ARMC2: variants seen among roughly 807,000 people sequenced by gnomAD.
ARMC2 encodes armadillo repeat containing 2.
Under a neutral mutation model 90.3 loss-of-function variants are expected in ARMC2, and 67 were observed. The ratio of observed to expected loss-of-function variants is 0.74; its 90% CI spans 0.61 to 0.91. ARMC2 has a LOEUF of 0.91. ARMC2 is among the 40% of genes least tolerant of loss of function. The probability of loss-of-function intolerance (pLI) is 0.00; values close to 1 mark genes in which losing one functional copy is unlikely to be tolerated. For missense variants in ARMC2, 920 were observed against 1,030.9 expected, an observed-to-expected ratio of 0.89 and a Z score of 1.47; for synonymous variants, 393 against 393.0, an observed-to-expected ratio of 1.00 and a Z score of 0.00.
At chr6:108,974,865 G>A (rs745926198), downstream of ARMC2, among the ~76,000 whole-genome samples, 15 of 152,094 alleles carry the variant, frequency 9.9e-5, no homozygotes, top group Admixed American at 6.6e-4. Flanking sequence ...ACCTGAGGTC[G>A]TGAGTTCGAG....
chr6:108,879,961 C>G (rs1562344870), intron 5 of ARMC2: 6 of 470,294 alleles, frequency 1.3e-5, no homozygotes, highest in South Asian at 7.8e-5. Flanking sequence ...ATGACTAAGG[C>G]TTGAAAGCCT....
chr6:108,972,077 T>G (rs1352658087), intron 17 of ARMC2, among the ~76,000 whole-genome samples: 1 of 152,232 alleles, frequency 6.6e-6, no homozygotes, highest in Non-Finnish European at 1.5e-5. Flanking sequence ...TTCTGAAGTC[T>G]GTCACACAGA....
chr6:108,919,514 A>ATAAT, intron 10 of ARMC2, among the ~76,000 whole-genome samples: 1 of 146,368 alleles, frequency 6.8e-6, no homozygotes, highest in East Asian at 2.0e-4. Context: ...GTTCTTACAG[A>ATAAT]TAATTTTTTT....
chr6:109,002,879 G>A, the ARMC2 span, among the ~76,000 whole-genome samples: 2 of 152,152 alleles, frequency 1.3e-5, no homozygotes, highest in African/African-American at 4.8e-5. Context: ...TGTTTTCTCT[G>A]CAGTTAAATA....
At chr6:108,981,771 G>A in the ARMC2 span, among the ~76,000 whole-genome samples, 1 of 151,866 alleles carries the variant, frequency 6.6e-6, no homozygotes, top group Non-Finnish European at 1.5e-5. Context: ...GGGTTCAAGT[G>A]ATTCTCCTGC....
In ARMC2 at chr6:108,974,213, C is replaced by A. The variant is rs1173416382; in HGVS notation, c.*699C>A. ...AATGCAGGCTTAGGTGAATGGTATA[C>A]CTGAATCTGAATCCATGCTCTCCCC... On this transcript the variant is annotated 3_prime_UTR_variant, in exon 18 of 18. Coordinates refer to ENST00000392644, the MANE Select transcript of ARMC2 (RefSeq NM_032131.6). 6.6e-6 allele frequency: 1 copy of A among 152,160 alleles called. No homozygotes were observed. The highest frequency in any genetic ancestry group is 1.5e-5 in the Non-Finnish European group (1 of 68,036). 9.4% of individuals were successfully genotyped at this position (152,160 alleles called of 1,614,324 possible). A position where few individuals can be genotyped will look rare whatever the true frequency, so the allele number is the denominator to read the frequency against.
chr6:108,973,478 C>T lies in ARMC2; in HGVS notation c.2568C>T (p.His856=), dbSNP rs768255077. The T allele has an allele frequency of 2.5e-6, 4 of 1,613,702 alleles. No homozygotes were observed. The highest frequency in any genetic ancestry group is 1.3e-5 in the African/African-American group (1 of 75,048). The change falls in exon 18 of 18, where the codon CAC becomes CAT. Residue 856 remains histidine, a synonymous_variant. Transcript: ENST00000392644. ...TTCTAAACCGAATTCAGAGACATCACACCTTCCTGGAACCCCTGCCCATTC... is the reference window on the plus strand; with the variant it reads ...TTCTAAACCGAATTCAGAGACATCATACCTTCCTGGAACCCCTGCCCATTC... ...QQLLNRIQRH[H]TFLEPLPIPS...
chr6:108,987,213 A>C, the ARMC2 span: 1 of 208,594 alleles, frequency 4.8e-6, no homozygotes, highest in Non-Finnish European at 9.5e-6. Flanking sequence ...TGCATGCTCC[A>C]ATTCTTGTTA....
At chr6:108,990,131 C>A in the ARMC2 span, among the ~76,000 whole-genome samples, 4 of 152,192 alleles carry the variant, frequency 2.6e-5, no homozygotes, top group African/African-American at 9.6e-5. Flanking sequence ...AGGTGGTATA[C>A]AATGACTGCA....
chr6:108,879,437 A>G (rs1350211040), intron 5 of ARMC2, among the ~76,000 whole-genome samples: 1 of 150,134 alleles, frequency 6.7e-6, no homozygotes, highest in Non-Finnish European at 1.5e-5. Context: ...CCACCTATCC[A>G]TGCACCCATT....
At chr6:108,989,545 C>A in the ARMC2 span, among the ~76,000 whole-genome samples, 23 of 103,102 alleles carry the variant, frequency 2.2e-4, no homozygotes, top group African/African-American at 3.1e-4. Context: ...ATAGAGATAT[C>A]TCTAGATCTA....
rs1774003744 is a variant in ARMC2, at chr6:108,916,700, T to C, written c.1350+4142T>C. On this transcript the variant is annotated intron_variant, in intron 10 of 17. Coordinates refer to ENST00000392644, the MANE Select transcript of ARMC2 (RefSeq NM_032131.6). The stretch of plus-strand genomic sequence containing the variant: ...GGTGGCACAGATGGAAAGAGGGACT[T>C]GTCAGTGTTGCTCTAGAATGGATTA... 2.6e-5 allele frequency among the ~76,000 whole-genome samples: 4 copies of C among 152,232 alleles called. No homozygotes were observed. In the South Asian group the frequency reaches 8.3e-4, roughly 32 times the overall value.
intron 12 of ARMC2, among the ~76,000 whole-genome samples, chr6:108,941,553 T>A (rs1460906112): frequency 1.3e-5 from 2 of 152,240 alleles, no homozygotes; most frequent in African/African-American, 4.8e-5. Flanking sequence ...TGTTTACTAT[T>A]TGGTTAGATA....
At chr6:109,042,898 C>CA in the ARMC2 span, among the ~76,000 whole-genome samples, 6 of 151,524 alleles carry the variant, frequency 4.0e-5, no homozygotes, top group Non-Finnish European at 7.4e-5. Context: ...AAAGACAATA[C>CA]AAAAAAAGAA....
intron 10 of ARMC2, among the ~76,000 whole-genome samples, chr6:108,912,893 T>G (rs1773580342): frequency 1.3e-5 from 2 of 152,230 alleles, no homozygotes; most frequent in Non-Finnish European, 2.9e-5. Flanking sequence ...CTTAGAGTGT[T>G]GAAGATGGGC....
chr6:109,039,300 C>A, the ARMC2 span, among the ~76,000 whole-genome samples: 1 of 152,190 alleles, frequency 6.6e-6, no homozygotes, highest in Admixed American at 6.5e-5. Flanking sequence ...ATTGTATATA[C>A]TGCATAAATC....
At chr6:109,003,904 A>C in the ARMC2 span, among the ~76,000 whole-genome samples, 1 of 152,200 alleles carries the variant, frequency 6.6e-6, no homozygotes, top group Admixed American at 6.5e-5. Context: ...TATCCCCTCT[A>C]ATTTCTTTAA....
chr6:108,850,369 ATACCTAGTGTTGTTTCTGGCCTCTTCCTG>A (rs1773882184), intron 1 of ARMC2, among the ~76,000 whole-genome samples: 1 of 152,116 alleles, frequency 6.6e-6, no homozygotes, highest in East Asian at 1.9e-4. Context: ...CTAGGTTTGC[ATACCTAGTGTTGTTTCTGGCCTCTTCCTG>A]GAATCATGGA....
At chr6:108,913,200 T>C (rs1773614240) in intron 10 of ARMC2, among the ~76,000 whole-genome samples, 1 of 152,260 alleles carries the variant, frequency 6.6e-6, no homozygotes, top group Admixed American at 6.5e-5. Flanking sequence ...GAGATTTTAC[T>C]TTTTAATAGC....
Sources: gnomAD v4.1 joint callset for allele counts (sites outside exome capture counted in the v4.1 genomes callset) on GRCh38, gnomAD v4.1.1 for gene constraint, MANE v1.5 for transcripts, NCBI Gene and HGNC (gene_info 2026-07-23, HGNC 2026-07-21) for gene names.